Variants in PLPP4 observed in about 807,000 individuals in gnomAD.
PLPP4 encodes the protein diacylglycerol pyrophosphate like 2.
In PLPP4, 20 loss-of-function variants were observed where a neutral mutation model predicts 32.2. The observed-to-expected ratio is 0.62, with a 90% CI of 0.44 to 0.90. The LOEUF (loss-of-function observed/expected upper bound fraction) is 0.90, where lower values mean the gene tolerates loss of function less well. Ranked by LOEUF, PLPP4 falls within the 40% of genes least tolerant of loss-of-function variation. The pLI is 0.00. For synonymous variants in PLPP4, 127 were observed against 133.0 expected, an observed-to-expected ratio of 0.95 and a Z score of 0.31; for missense variants, 257 against 353.1, an observed-to-expected ratio of 0.73 and a Z score of 2.18.
chr10:120,457,103 T>TCCCGGAGC (rs1321053015), upstream of PLPP4: 17 of 230,118 alleles, frequency 7.4e-5, no homozygotes, highest in Admixed American at 1.7e-4. Context: ...CGGCGCGGCT[T>TCCCGGAGC]CCCGGAGCCC....
intron 2 of PLPP4, among the ~76,000 whole-genome samples, chr10:120,513,429 A>G (rs184485519): frequency 1.3e-5 from 2 of 152,338 alleles, no homozygotes; most frequent in Non-Finnish European, 2.9e-5. Flanking sequence ...GAGTCTTTAA[A>G]CAAACGGACT....
chr10:120,533,520 A>G (rs1382080566), intron 5 of PLPP4, among the ~76,000 whole-genome samples: 1 of 152,072 alleles, frequency 6.6e-6, no homozygotes, highest in East Asian at 1.9e-4. Context: ...TTACATTTTG[A>G]TGTAGTCAAA....
At chr10:120,565,318 GTGTGT>G (rs1848641407) in intron 5 of PLPP4, among the ~76,000 whole-genome samples, 1 of 6,858 alleles carries the variant, frequency 1.5e-4, no homozygotes, top group Non-Finnish European at 2.4e-4. Flanking sequence ...TTTGTGTGGT[GTGTGT>G]GTGTGTGTGT....
At chr10:120,483,075 G>A (rs1844284588) in intron 1 of PLPP4, among the ~76,000 whole-genome samples, 1 of 152,172 alleles carries the variant, frequency 6.6e-6, no homozygotes, top group Admixed American at 6.5e-5. Context: ...TTGACTTGAT[G>A]AGTCTTTCAG....
intron 1 of PLPP4, among the ~76,000 whole-genome samples, chr10:120,458,247 C>T (rs1847883253): frequency 6.6e-6 from 1 of 152,214 alleles, no homozygotes; most frequent in Non-Finnish European, 1.5e-5. Flanking sequence ...CACCTAGGCA[C>T]CCACACCTGC....
chr10:120,560,903 T>G (rs1267647353), intron 5 of PLPP4, among the ~76,000 whole-genome samples: 2 of 152,200 alleles, frequency 1.3e-5, no homozygotes, highest in African/African-American at 4.8e-5. Flanking sequence ...TAGTAAAATT[T>G]TGGGGGGAGT....
intron 1 of PLPP4, among the ~76,000 whole-genome samples, chr10:120,495,416 C>G (rs918890327): frequency 6.6e-6 from 1 of 152,116 alleles, no homozygotes; most frequent in Non-Finnish European, 1.5e-5. Context: ...GTTCCCAGGA[C>G]TAATGAATAA....
chr10:120,564,846 A>G (rs1848612540), intron 5 of PLPP4, among the ~76,000 whole-genome samples: 1 of 151,970 alleles, frequency 6.6e-6, no homozygotes, highest in Non-Finnish European at 1.5e-5. Flanking sequence ...TTATGTATGT[A>G]TTTAAAAAAT....
At chr10:120,568,177 C>T (rs1051848721) in intron 5 of PLPP4, among the ~76,000 whole-genome samples, 6 of 152,208 alleles carry the variant, frequency 3.9e-5, no homozygotes, top group Non-Finnish European at 8.8e-5. Context: ...GGCCATGTGG[C>T]CAGCACCCAT....
intron 2 of PLPP4, among the ~76,000 whole-genome samples, chr10:120,508,780 C>T (rs1172872412): frequency 1.3e-5 from 2 of 152,336 alleles, no homozygotes; most frequent in Non-Finnish European, 2.9e-5. Flanking sequence ...CCTCCTCCTG[C>T]TACTCAAAGG....
At chr10:120,586,865 G>A (rs182537404) in intron 6 of PLPP4, among the ~76,000 whole-genome samples, 3 of 152,256 alleles carry the variant, frequency 2.0e-5, no homozygotes, top group Admixed American at 2.0e-4. Flanking sequence ...GGTCTAGTCT[G>A]GAGGTCAGAT....
At chr10:120,477,247 A>AAAAAAAAAAG (rs61519346) in intron 1 of PLPP4, among the ~76,000 whole-genome samples, 2 of 151,354 alleles carry the variant, frequency 1.3e-5, no homozygotes, top group African/African-American at 2.4e-5. Flanking sequence ...CGGTTCAAAA[A>AAAAAAAAAAG]GAAAAGAAAA....
intron 1 of PLPP4, among the ~76,000 whole-genome samples, chr10:120,460,851 A>C (rs1167734271): frequency 2.0e-5 from 3 of 152,216 alleles, no homozygotes; most frequent in Non-Finnish European, 4.4e-5. Flanking sequence ...ACAAACAAAG[A>C]AACCAAGGTT....
At chr10:120,583,225 T>C (rs543343506) in intron 6 of PLPP4, among the ~76,000 whole-genome samples, 1 of 151,860 alleles carries the variant, frequency 6.6e-6, no homozygotes, top group South Asian at 2.1e-4. Context: ...GCCTTTCTGC[T>C]TGTTTGTGCC....
chr10:120,518,476 A>G lies in PLPP4; in HGVS notation c.257-357A>G, dbSNP rs896595899. Among the ~76,000 whole-genome samples the G allele has an allele frequency of 5.3e-5, 8 of 152,248 alleles. No individual in the cohort carries two copies. The East Asian group carries it at 1.4e-3, about 26-fold the overall frequency. On this transcript the variant is annotated intron_variant, in intron 3 of 6. Coordinates refer to ENST00000398250, the MANE Select transcript of PLPP4 (RefSeq NM_001030059.3). ...TTGCCAGGAGGAAATAAAAAAAGTT[A>G]TGTTTCTTGTTACCAGTAAAAGAAA...
At chr10:120,521,709 G>T (rs1382075575) in intron 5 of PLPP4, among the ~76,000 whole-genome samples, 1 of 152,174 alleles carries the variant, frequency 6.6e-6, no homozygotes, top group Admixed American at 6.5e-5. Flanking sequence ...TCACCTCCCT[G>T]TGCCTCAGTT....
At chr10:120,517,803 A>T (rs1388411296) in intron 3 of PLPP4, among the ~76,000 whole-genome samples, 1 of 152,160 alleles carries the variant, frequency 6.6e-6, no homozygotes, top group Non-Finnish European at 1.5e-5. Context: ...TTCTGCTCAT[A>T]GAACAACACG....
chr10:120,475,616 A>C (rs1269082817), intron 1 of PLPP4, among the ~76,000 whole-genome samples: 3 of 152,320 alleles, frequency 2.0e-5, no homozygotes, highest in Middle Eastern at 3.4e-3. Context: ...GGTCCAGAGA[A>C]CAACACGAGA....
chr10:120,531,496 C>T (rs758512726), intron 5 of PLPP4, among the ~76,000 whole-genome samples: 15 of 152,112 alleles, frequency 9.9e-5, no homozygotes, highest in Non-Finnish European at 1.5e-4. Context: ...ATGGCTATTG[C>T]ACTCTGTGTC....
Sources: gnomAD v4.1 joint callset for allele counts (sites outside exome capture counted in the v4.1 genomes callset) on GRCh38, gnomAD v4.1.1 for gene constraint, MANE v1.5 for transcripts, NCBI Gene and HGNC (gene_info 2026-07-23, HGNC 2026-07-21) for gene names.